Variants in NCKAP5 observed in about 807,000 individuals in gnomAD.
NCKAP5 encodes the protein NCK associated protein 5.
In NCKAP5, 92 loss-of-function variants were observed where a neutral mutation model predicts 167.0. The ratio of observed to expected loss-of-function variants is 0.55; its 90% confidence interval spans 0.47 to 0.66. NCKAP5 has a LOEUF of 0.66. Ranked by LOEUF, NCKAP5 falls within the 30% of genes least tolerant of loss-of-function variation. The pLI is 0.00. For missense variants in NCKAP5, 2,378 were observed against 2,315.0 expected (o/e 1.03, Z -0.56); for synonymous variants, 891 against 877.4 (o/e 1.02, Z -0.27).
chr2:133,033,851 G>T (rs968894960), intron 6 of NCKAP5, among the ~76,000 whole-genome samples: 1 of 151,980 alleles, frequency 6.6e-6, no homozygotes, highest in East Asian at 1.9e-4. Flanking sequence ...AAAAAACAAT[G>T]AACCAGACCT....
chr2:133,331,059 T>A (rs933239974), intron 3 of NCKAP5, among the ~76,000 whole-genome samples: 3 of 152,068 alleles, frequency 2.0e-5, no homozygotes, highest in Non-Finnish European at 2.9e-5. Context: ...TGCAAAAGTA[T>A]GTGTGTGTGT....
intron 19 of NCKAP5, among the ~76,000 whole-genome samples, chr2:132,677,863 C>T (rs1448925623): frequency 6.6e-6 from 1 of 152,116 alleles, no homozygotes; most frequent in Admixed American, 6.5e-5. Context: ...GCTCTTCCAT[C>T]AGCCTGGAAG....
At chr2:132,889,790 ACTAT>A (rs1692542225) in intron 8 of NCKAP5, among the ~76,000 whole-genome samples, 1 of 152,232 alleles carries the variant, frequency 6.6e-6, no homozygotes, top group Non-Finnish European at 1.5e-5. Flanking sequence ...AATGTCAGAC[ACTAT>A]CTAATACCCA....
intron 3 of NCKAP5, among the ~76,000 whole-genome samples, chr2:133,511,736 G>A (rs898171470): frequency 1.3e-5 from 2 of 152,188 alleles, no homozygotes; most frequent in African/African-American, 4.8e-5. Flanking sequence ...CAAGTTAGGG[G>A]AAATGAGGCA....
At chr2:132,719,121 C>A (rs760714332) in intron 19 of NCKAP5, among the ~76,000 whole-genome samples, 2 of 152,078 alleles carry the variant, frequency 1.3e-5, no homozygotes, top group Non-Finnish European at 2.9e-5. Context: ...AGCATGGAAG[C>A]CTCCAACAGC....
chr2:132,753,759 G>C (rs1247336052), intron 16 of NCKAP5, among the ~76,000 whole-genome samples: 1 of 152,164 alleles, frequency 6.6e-6, no homozygotes, highest in Non-Finnish European at 1.5e-5. Context: ...CTAGACATTT[G>C]GCCCTGGCTC....
intron 4 of NCKAP5, among the ~76,000 whole-genome samples, chr2:133,272,847 T>C (rs1374225606): frequency 6.6e-6 from 1 of 152,178 alleles, no homozygotes; most frequent in Non-Finnish European, 1.5e-5. Context: ...TAGCATAATG[T>C]TTTCAAGTTT....
At chr2:133,564,288 G>A (rs1688390975) in intron 1 of NCKAP5, among the ~76,000 whole-genome samples, 1 of 152,240 alleles carries the variant, frequency 6.6e-6, no homozygotes, top group Non-Finnish European at 1.5e-5. Context: ...TGAGCACAGA[G>A]CTTGAAAGTG....
chr2:133,388,720 C>T (rs77921775), intron 3 of NCKAP5, among the ~76,000 whole-genome samples: 7 of 152,228 alleles, frequency 4.6e-5, no homozygotes, highest in Non-Finnish European at 1.0e-4. Flanking sequence ...TTTACCTACT[C>T]AAGTCTCAGC....
the NCKAP5 span, among the ~76,000 whole-genome samples, chr2:133,663,416 G>C: frequency 1.3e-5 from 2 of 152,058 alleles, no homozygotes; most frequent in African/African-American, 4.8e-5. Flanking sequence ...GTGCCAATTT[G>C]TTAAAATAAG....
At chr2:133,634,866 TTTTCTTTC>T in the NCKAP5 span, among the ~76,000 whole-genome samples, 1 of 150,512 alleles carries the variant, frequency 6.6e-6, no homozygotes, top group African/African-American at 2.5e-5. Context: ...ATTTTCTTTC[TTTTCTTTC>T]TTTTTTTTTT....
intron 6 of NCKAP5, among the ~76,000 whole-genome samples, chr2:133,028,227 A>G (rs939942559): frequency 2.0e-5 from 3 of 152,214 alleles, no homozygotes; most frequent in African/African-American, 7.2e-5. Flanking sequence ...AGATATTTCA[A>G]GTACATGGAT....
intron 8 of NCKAP5, among the ~76,000 whole-genome samples, chr2:132,950,786 G>T (rs2076162591): frequency 6.6e-6 from 1 of 152,140 alleles, no homozygotes; most frequent in Non-Finnish European, 1.5e-5. Context: ...CTACTACACT[G>T]TATGGGAGGC....
chr2:133,387,630 A>C (rs907975270), intron 3 of NCKAP5, among the ~76,000 whole-genome samples: 1 of 152,168 alleles, frequency 6.6e-6, no homozygotes, highest in East Asian at 1.9e-4. Flanking sequence ...TAATATCCTG[A>C]AGAGTGTTTT....
intron 3 of NCKAP5, among the ~76,000 whole-genome samples, chr2:133,325,071 T>A (rs955276660): frequency 6.6e-6 from 1 of 152,168 alleles, no homozygotes; most frequent in African/African-American, 2.4e-5. Flanking sequence ...GCACCTGTTA[T>A]GTGTAGTGCT....
At chr2:133,416,963 G>C (rs749946489) in intron 3 of NCKAP5, among the ~76,000 whole-genome samples, 3 of 152,116 alleles carry the variant, frequency 2.0e-5, no homozygotes, top group Non-Finnish European at 4.4e-5. Flanking sequence ...ATCTGAGGGT[G>C]GGGCAATGCT....
chr2:132,897,697 A>G (rs1693311304), intron 8 of NCKAP5, among the ~76,000 whole-genome samples: 1 of 152,156 alleles, frequency 6.6e-6, no homozygotes, highest in Non-Finnish European at 1.5e-5. Context: ...AGTCACACGA[A>G]TTTTTTAGTT....
chr2:133,193,163 A>G (rs2085299801), intron 5 of NCKAP5, among the ~76,000 whole-genome samples: 1 of 152,128 alleles, frequency 6.6e-6, no homozygotes, highest in Admixed American at 6.6e-5. Flanking sequence ...ATTATATACT[A>G]CATGATTCCA....
intron 3 of NCKAP5, among the ~76,000 whole-genome samples, chr2:133,513,647 T>C (rs16826050): frequency 0.051 from 7,775 of 152,194 alleles, 410 homozygotes; most frequent in East Asian, 0.29. Context: ...AGGCTGAAGG[T>C]TGAATTCAGG....
Sources: allele counts gnomAD v4.1 joint callset (sites outside exome capture counted in the v4.1 genomes callset), GRCh38; gene constraint gnomAD v4.1.1; transcripts MANE v1.5; gene names NCBI Gene and HGNC (gene_info 2026-07-23, HGNC 2026-07-21).